The following NDRG2 variants were observed in gnomAD, a reference collection of about 807,000 sequenced individuals.
NDRG2 encodes the protein NDRG family member 2, also known as protein NDRG2.
Under a neutral mutation model 58.2 loss-of-function variants are expected in NDRG2, and 34 were observed. That is an observed-to-expected ratio of 0.58 (90% CI 0.44 to 0.78). The LOEUF (loss-of-function observed/expected upper bound fraction) is 0.78, where lower values mean the gene tolerates loss of function less well. Ranked by LOEUF, NDRG2 falls within the 30% of genes least tolerant of loss-of-function variation. The pLI is 0.00. For synonymous variants in NDRG2, 187 were observed against 175.9 expected, an observed-to-expected ratio of 1.06 and a Z score of -0.50; for missense variants, 434 against 471.2, an observed-to-expected ratio of 0.92 and a Z score of 0.73.
chr14:21,043,010 A>T, intron 1 of NDRG2: 1 of 1,613,822 alleles, frequency 6.2e-7, no homozygotes, highest in South Asian at 1.1e-5. Context: ...CGGCCAGAGC[A>T]GGATTCTGCC....
At chr14:21,054,983 G>A (rs75408695) in intron 1 of NDRG2, among the ~76,000 whole-genome samples, 6,573 of 152,100 alleles carry the variant, frequency 0.043, 204 homozygotes, top group East Asian at 0.12. Flanking sequence ...TAAGCAATGC[G>A]GTGTATGTTA....
At chr14:21,069,209 A>AC (rs897540014) in intron 1 of NDRG2, among the ~76,000 whole-genome samples, 6 of 151,438 alleles carry the variant, frequency 4.0e-5, no homozygotes, top group East Asian at 1.9e-4. Context: ...CTCCTGGGAG[A>AC]CCCCCCATCT....
At chr14:21,043,045 G>A (rs1594496907) in intron 1 of NDRG2, 3 of 1,614,196 alleles carry the variant, frequency 1.9e-6, no homozygotes, top group Non-Finnish European at 1.7e-6. Flanking sequence ...CTGCTGCTGG[G>A]GCTGTGGGTG....
intron 10 of NDRG2, among the ~76,000 whole-genome samples, chr14:21,019,423 A>T (rs1354746442): frequency 6.6e-6 from 1 of 152,188 alleles, no homozygotes; most frequent in African/African-American, 2.4e-5. Context: ...CTGGGAGTCC[A>T]ATAATCCAAA....
chr14:21,029,594 A>G (rs1001553627), upstream of NDRG2, among the ~76,000 whole-genome samples: 1 of 152,212 alleles, frequency 6.6e-6, no homozygotes, highest in Non-Finnish European at 1.5e-5. Context: ...GCGAGACTCC[A>G]TCTCAAAATA....
rs1880927041 is a variant in NDRG2 at position 21,022,300 on chromosome 14, C to T, written c.223+92G>A. Reference sequence around the variant, plus strand: ...ACCAGGAGAGAACTTCTCCTTCCCACACTGACCCCTCCCCTCCCTCTGGGT... The same window carrying T: ...ACCAGGAGAGAACTTCTCCTTCCCATACTGACCCCTCCCCTCCCTCTGGGT... On this transcript the variant is annotated intron_variant, in intron 4 of 15. Transcript: ENST00000556147. 4.4e-6 allele frequency: 7 copies of T among 1,577,174 alleles called. No individual in the cohort carries two copies. In the East Asian group the frequency reaches 1.1e-4, roughly 25 times the overall value.
At chr14:21,041,621 A>C in intron 1 of NDRG2, among the ~76,000 whole-genome samples, 1 of 152,236 alleles carries the variant, frequency 6.6e-6, no homozygotes, top group East Asian at 1.9e-4. Flanking sequence ...TGAAGGAAGC[A>C]CTAAGGCAGG....
In NDRG2 at chr14:21,022,913, G is replaced by C; in HGVS notation, c.76-8C>G. ...GGCAGCTAACTCAGCCTCCTGGAGAGACACACACGGATTCACACAGAAACA... is the reference window on the plus strand; with the variant it reads ...GGCAGCTAACTCAGCCTCCTGGAGACACACACACGGATTCACACAGAAACA... On this transcript the variant is annotated splice_region_variant and splice_polypyrimidine_tract_variant and intron_variant, in intron 2 of 15. Coordinates refer to ENST00000556147, the MANE Select transcript of NDRG2 (RefSeq NM_001320329.2). The C allele has an allele frequency of 6.2e-7, 1 of 1,614,050 alleles. No homozygotes were observed.
chr14:21,032,123 T>C, intron 1 of NDRG2: 1 of 1,576,200 alleles, frequency 6.3e-7, no homozygotes, highest in Non-Finnish European at 8.7e-7. Flanking sequence ...CCTGCATGTT[T>C]AACACCAGGG....
intron 1 of NDRG2, among the ~76,000 whole-genome samples, chr14:21,056,919 T>C (rs112955344): frequency 0.013 from 1,924 of 152,240 alleles, 44 homozygotes; most frequent in African/African-American, 0.044. Flanking sequence ...CAGGGCAAAA[T>C]GTCAGGCATG....
At chr14:21,023,686 G>A (rs1448705616) in intron 1 of NDRG2, 2 of 222,952 alleles carry the variant, frequency 9.0e-6, no homozygotes, top group Non-Finnish European at 1.8e-5. Context: ...CTCTCAGGTA[G>A]GGAGTGAAAC....
intron 1 of NDRG2, among the ~76,000 whole-genome samples, chr14:21,051,257 CA>C (rs1885453037): frequency 6.6e-6 from 1 of 152,134 alleles, no homozygotes; most frequent in African/African-American, 2.4e-5. Context: ...GGGGCTAGGG[CA>C]TTGGAAAGGT....
At chr14:21,055,620 A>G (rs1885640739) in intron 1 of NDRG2, among the ~76,000 whole-genome samples, 1 of 152,224 alleles carries the variant, frequency 6.6e-6, no homozygotes, top group South Asian at 2.1e-4. Context: ...CTTCAGGGAA[A>G]GCATGTTTGC....
intron 1 of NDRG2, among the ~76,000 whole-genome samples, chr14:21,049,266 T>G (rs1958394): frequency 0.32 from 48,130 of 152,000 alleles, 9,262 homozygotes; most frequent in African/African-American, 0.54. Flanking sequence ...GCCTCTTATA[T>G]TTTTCCCACC....
chr14:21,037,729 A>G (rs1884712507), intron 1 of NDRG2, among the ~76,000 whole-genome samples: 1 of 152,262 alleles, frequency 6.6e-6, no homozygotes, highest in Non-Finnish European at 1.5e-5. Flanking sequence ...CATCTGGGAC[A>G]TCAAAATATT....
intron 8 of NDRG2, 179 bp downstream of exon 8, chr14:21,020,317 G>C (rs1159237315): frequency 7.3e-6 from 4 of 551,474 alleles, no homozygotes; most frequent in Non-Finnish European, 1.3e-5. Flanking sequence ...AAAAGAAAAA[G>C]AAAAAGAAAG....
chr14:21,031,924 G>GAC, intron 1 of NDRG2: 1 of 1,614,154 alleles, frequency 6.2e-7, no homozygotes, highest in Non-Finnish European at 8.5e-7. Flanking sequence ...TGGACCGTTT[G>GAC]ACAGACACCA....
chr14:21,047,112 T>C (rs561636702), intron 1 of NDRG2, among the ~76,000 whole-genome samples: 1 of 152,360 alleles, frequency 6.6e-6, no homozygotes, highest in South Asian at 2.1e-4. Flanking sequence ...ATCGGTCAAC[T>C]AATTTCCTAT....
At chr14:21,046,793 T>G (rs1341130475) in intron 1 of NDRG2, 1 of 152,110 alleles carries the variant, frequency 6.6e-6, no homozygotes, top group African/African-American at 2.4e-5. Flanking sequence ...ATGTACCATA[T>G]TCCTACAATA....
Sources: allele counts gnomAD v4.1 joint callset (sites outside exome capture counted in the v4.1 genomes callset), GRCh38; gene constraint gnomAD v4.1.1; transcripts MANE v1.5; gene names NCBI Gene and HGNC (gene_info 2026-07-23, HGNC 2026-07-21).